The following DTNB variants were observed in gnomAD, a reference collection of about 807,000 sequenced individuals.
DTNB encodes the protein DTN-B.
A neutral mutation model predicts 90.7 loss-of-function variants in DTNB; 63 were observed. The observed-to-expected ratio is 0.69, with a 90% CI of 0.57 to 0.86. The LOEUF is 0.86. Ranked by LOEUF, DTNB falls within the 40% of genes least tolerant of loss-of-function variation. The pLI, the probability that DTNB is intolerant of heterozygous loss-of-function variation, is 0.00. For missense variants in DTNB, 744 were observed against 807.1 expected (o/e 0.92, Z 0.95); for synonymous variants, 277 against 286.7 (o/e 0.97, Z 0.34).
chr2:25,516,875 C>T (rs1209221213), intron 9 of DTNB, among the ~76,000 whole-genome samples: 1 of 151,944 alleles, frequency 6.6e-6, no homozygotes, highest in Admixed American at 6.6e-5. Flanking sequence ...TGGGCAACAA[C>T]AGCAAAACCC....
At position 25,580,711 on chromosome 2, in the gene DTNB, T is replaced by C; in HGVS notation, c.709+10A>G. The C allele has an allele frequency of 6.2e-7, 1 of 1,611,228 alleles. No homozygotes were observed. Among genetic ancestry groups the C allele is most frequent in the Non-Finnish European group, 8.5e-7 (1 of 1,177,526 alleles). ...AGCATGCGGAATTGAACAATAAAAG[T>C]TCTGCTTACCATTCTCAACATGGGC... On this transcript the variant is annotated intron_variant, in intron 7 of 20. Transcript: ENST00000406818.
At chr2:25,542,071 G>A (rs2081379506) in intron 8 of DTNB, among the ~76,000 whole-genome samples, 1 of 152,128 alleles carries the variant, frequency 6.6e-6, no homozygotes, top group Non-Finnish European at 1.5e-5. Flanking sequence ...GATTACTAAG[G>A]TTTTTGTTGT....
In DTNB at chr2:25,399,981, C is replaced by T. The variant is rs536693529; in HGVS notation, c.1576-11620G>A. Among the ~76,000 whole-genome samples, 8 of 152,316 alleles carry T rather than the reference C, an allele frequency of 5.3e-5. No homozygotes were observed. The South Asian group carries it at 1.2e-3, about 24-fold the overall frequency. ...TGGGGTCCCAGCAGCATCTCGGTCA[C>T]GTCATGGCATATTCTGCTTCTAACT... On this transcript the variant is annotated intron_variant, in intron 16 of 20. Transcript: ENST00000406818.
intron 2 of DTNB, among the ~76,000 whole-genome samples, chr2:25,639,940 C>T (rs559013614): frequency 6.6e-6 from 1 of 152,340 alleles, no homozygotes; most frequent in Admixed American, 6.5e-5. Context: ...AAACCAGCAT[C>T]GACTGCCAAA....
intron 10 of DTNB, among the ~76,000 whole-genome samples, chr2:25,476,732 T>C (rs2063817533): frequency 6.6e-6 from 1 of 151,994 alleles, no homozygotes; most frequent in African/African-American, 2.4e-5. Flanking sequence ...AGGTAAGGAG[T>C]TGCTTCTTAC....
chr2:25,583,963 G>A (rs190119335), intron 6 of DTNB, among the ~76,000 whole-genome samples: 12 of 152,166 alleles, frequency 7.9e-5, no homozygotes, highest in African/African-American at 2.6e-4. Flanking sequence ...AAAAACATGA[G>A]GAATGAAACT....
intron 6 of DTNB, among the ~76,000 whole-genome samples, chr2:25,587,226 G>A (rs1287970081): frequency 6.6e-6 from 1 of 152,116 alleles, no homozygotes; most frequent in East Asian, 1.9e-4. Context: ...GAAAAATAAG[G>A]ACATCAACAG....
chr2:25,657,397 T>C (rs2082271014), intron 1 of DTNB, among the ~76,000 whole-genome samples: 1 of 152,144 alleles, frequency 6.6e-6, no homozygotes, highest in African/African-American at 2.4e-5. Context: ...TCAAAACACG[T>C]ATCTGATGAA....
chr2:25,518,699 T>C (rs1266479590), intron 9 of DTNB, among the ~76,000 whole-genome samples: 1 of 152,212 alleles, frequency 6.6e-6, no homozygotes. Flanking sequence ...CTCTTTGCTC[T>C]TTCTTTCCTT....
intron 2 of DTNB, 53 bp downstream of exon 2, chr2:25,652,532 TAAAAAAAAA>T: frequency 7.9e-7 from 1 of 1,271,836 alleles, no homozygotes; most frequent in South Asian, 1.6e-5. Context: ...TGACTTGATC[TAAAAAAAAA>T]AAAAAAACCA....
intron 16 of DTNB, among the ~76,000 whole-genome samples, chr2:25,410,831 G>T (rs1558402065): frequency 6.6e-6 from 1 of 151,980 alleles, no homozygotes; most frequent in African/African-American, 2.4e-5. Context: ...TTTTTAAAAC[G>T]TATCTGGCCT....
At chr2:25,508,357 T>G (rs2073008996) in intron 9 of DTNB, among the ~76,000 whole-genome samples, 1 of 152,214 alleles carries the variant, frequency 6.6e-6, no homozygotes, top group African/African-American at 2.4e-5. Context: ...TGATAATTAC[T>G]AACAATTTTG....
chr2:25,431,720 C>G (rs1008780722), intron 14 of DTNB, among the ~76,000 whole-genome samples: 1 of 152,078 alleles, frequency 6.6e-6, no homozygotes, highest in African/African-American at 2.4e-5. Flanking sequence ...AGATATAAAA[C>G]CAGGCACTAG....
At chr2:25,431,876 G>A (rs2149944439) in intron 14 of DTNB, among the ~76,000 whole-genome samples, 1 of 152,228 alleles carries the variant, frequency 6.6e-6, no homozygotes, top group South Asian at 2.1e-4. Flanking sequence ...CCAAATCTCA[G>A]CCTAACTACA....
At position 25,580,770 on chromosome 2, in the gene DTNB, C is replaced by T; in HGVS notation, c.660G>A (p.Gln220=). ...LDTMMADPPP[Q]CLVWLPLMHR... ...GCATGAGAGGTAGCCAGACAAGGCA[C>T]TGGGGAGGAGGGTCAGCCATCATTG... Residue 220 remains glutamine (Q), a synonymous_variant, in exon 7 of 21, where the codon CAG becomes CAA. Transcript: ENST00000406818. The T allele has an allele frequency of 6.2e-7, 1 of 1,613,606 alleles. No homozygotes were observed. Among genetic ancestry groups the T allele is most frequent in the South Asian group, 1.1e-5 (1 of 91,082 alleles).
rs1250186917 is a variant in DTNB at position 25,653,511 on chromosome 2, CTTTCTT to C, written c.-1-856_-1-851del. On this transcript the variant is annotated intron_variant, in intron 1 of 20. Coordinates refer to ENST00000406818, the MANE Select transcript of DTNB (RefSeq NM_021907.5). ...TCTTTCTTTCTTTCTTTCTTTCTTT[CTTTCTT>C]TTTTTTTTTTTTTTTTGACAGTCTC... is the stretch of plus-strand genomic sequence containing the variant. Among the ~76,000 whole-genome samples, 606 of 82,808 alleles carry C rather than the reference CTTTCTT, an allele frequency of 7.3e-3. 3 individuals are homozygous for C. The highest frequency in any genetic ancestry group is 0.011 in the Non-Finnish European group (492 of 44,888). The allele number at this position is 82,808 out of a possible 152,430, so 54.3% of individuals were successfully genotyped here.
At chr2:25,573,809 G>C (rs1343896640) in intron 8 of DTNB, among the ~76,000 whole-genome samples, 1 of 152,090 alleles carries the variant, frequency 6.6e-6, no homozygotes, top group Non-Finnish European at 1.5e-5. Flanking sequence ...CACATCTTAA[G>C]ATTTTAACAG....
intron 9 of DTNB, among the ~76,000 whole-genome samples, chr2:25,528,620 A>G (rs1228702977): frequency 3.9e-5 from 6 of 152,236 alleles, no homozygotes; most frequent in Non-Finnish European, 5.9e-5. Flanking sequence ...AACTATTTGC[A>G]TTTCCATACA....
At position 25,580,508 on chromosome 2, in the gene DTNB, G is replaced by A. The variant is rs1553558909; in HGVS notation, c.709+213C>T. Among the ~76,000 whole-genome samples, 4 of 148,818 alleles carry A rather than the reference G, an allele frequency of 2.7e-5. No homozygotes were observed. The South Asian group carries it at 6.4e-4, about 24-fold the overall frequency. On this transcript the variant is annotated intron_variant, in intron 7 of 20. Coordinates refer to ENST00000406818, the MANE Select transcript of DTNB (RefSeq NM_021907.5). ...AGCACTCCAGCCTGGGCAACAGAGT[G>A]AGACTCTGTCTCAAAAAAAAAAAAA...
Sources: gnomAD v4.1 joint callset for allele counts (sites outside exome capture counted in the v4.1 genomes callset) on GRCh38, gnomAD v4.1.1 for gene constraint, MANE v1.5 for transcripts, NCBI Gene and HGNC (gene_info 2026-07-23, HGNC 2026-07-21) for gene names.